The following PAG1 variants were observed in gnomAD, a reference collection of about 807,000 sequenced individuals.
PAG1 encodes phosphoprotein associated with glycosphingolipid-enriched microdomains 1.
Under a neutral mutation model 31.7 loss-of-function variants are expected in PAG1, and 23 were observed. The ratio of observed to expected loss-of-function variants is 0.73; its 90% CI spans 0.52 to 1.03. The LOEUF is 1.03. Among genes scored for constraint, PAG1 ranks in the 50% least tolerant of loss-of-function variants. The pLI is 0.00. For missense variants in PAG1, 473 were observed against 540.7 expected, an observed-to-expected ratio of 0.87 and a Z score of 1.24; for synonymous variants, 214 against 210.3, an observed-to-expected ratio of 1.02 and a Z score of -0.15.
rs1291203001 is a variant in PAG1, at chr8:80,968,076, C to A, written c.*8468G>T. 2.0e-5 allele frequency: 3 copies of A among 152,166 alleles called. No individual in the cohort carries two copies. Among genetic ancestry groups the A allele is most frequent in the African/African-American group, 4.8e-5 (2 of 41,426 alleles). The allele number at this position is 152,166 out of a possible 1,614,324, so 9.4% of individuals were successfully genotyped here. A position where few individuals can be genotyped will look rare whatever the true frequency, so the allele number is the denominator to read the frequency against. On this transcript the variant is annotated 3_prime_UTR_variant, in exon 9 of 9. Transcript: ENST00000220597. ...CCATTACTGGTTGAATGATCAAGAT[C>A]TGGCCACAGAAGAGAAGTGGAAATA...
intron 1 of PAG1, among the ~76,000 whole-genome samples, chr8:81,100,323 C>G (rs1237707858): frequency 1.1e-4 from 16 of 152,194 alleles, no homozygotes; most frequent in Non-Finnish European, 1.5e-5. Flanking sequence ...GATTTCTTCA[C>G]CAGAACTATC....
In PAG1 at chr8:80,981,862, C is replaced by CCTTTTTTTTT. The variant is rs1554598378; in HGVS notation, c.877-1369_877-1368insAAAAAAAAAG. ...TTCTACCTACTCATTATCTCACTTC[C>CCTTTTTTTTT]TTTTTTTTTTTTTTTTTTTTTTTGA... On this transcript the variant is annotated intron_variant, in intron 7 of 8. Coordinates refer to ENST00000220597, the MANE Select transcript of PAG1 (RefSeq NM_018440.4). Among the ~76,000 whole-genome samples, 7 of 103,426 alleles carry CCTTTTTTTTT rather than the reference C, an allele frequency of 6.8e-5. 1 individual carries two copies. The highest frequency in any genetic ancestry group is 5.2e-5 in the Non-Finnish European group (3 of 57,218). 67.9% of individuals were successfully genotyped at this position (103,426 alleles called of 152,430 possible).
At chr8:80,978,393 A>G (rs189019201) in intron 8 of PAG1, among the ~76,000 whole-genome samples, 1 of 152,358 alleles carries the variant, frequency 6.6e-6, no homozygotes, top group East Asian at 1.9e-4. Context: ...AGAATGTATT[A>G]TCTAAATGGT....
At chr8:81,041,253 A>T (rs1159037457) in intron 2 of PAG1, among the ~76,000 whole-genome samples, 2 of 152,176 alleles carry the variant, frequency 1.3e-5, no homozygotes, top group African/African-American at 4.8e-5. Context: ...TTTAGTTAAG[A>T]AGTAGTACAG....
rs2130509622 is a variant in PAG1 at position 80,993,135 on chromosome 8, G to A, written c.93C>T (p.Thr31=). The A allele has an allele frequency of 6.2e-7, 1 of 1,613,882 alleles. No individual in the cohort carries two copies. Among genetic ancestry groups the A allele is most frequent in the South Asian group, 1.1e-5 (1 of 90,980 alleles). Residue 31 remains threonine (T), a synonymous_variant, in exon 4 of 9, where the codon ACC becomes ACT. Transcript: ENST00000220597. ...AACTAGAGCACAGGAAGATGAGGAA[G>A]GTGATGACGAAGAAAATGGCGACAG... ...LAAVAIFFVI[T]FLIFLCSSCD... is the part of the protein sequence containing the mutation.
chr8:80,986,044 T>G (rs1258834496), intron 6 of PAG1, among the ~76,000 whole-genome samples: 2 of 152,192 alleles, frequency 1.3e-5, no homozygotes, highest in African/African-American at 4.8e-5. Flanking sequence ...AACCGTGTTG[T>G]GAGTGCCTGC....
intron 4 of PAG1, 52 bp downstream of exon 4, chr8:80,993,051 G>A: frequency 6.6e-7 from 1 of 1,521,262 alleles, no homozygotes; most frequent in South Asian, 1.3e-5. Flanking sequence ...ACTCTTCTGG[G>A]TACAGGGGAT....
At chr8:81,100,609 A>G (rs1258558851) in intron 1 of PAG1, among the ~76,000 whole-genome samples, 1 of 152,232 alleles carries the variant, frequency 6.6e-6, no homozygotes, top group Non-Finnish European at 1.5e-5. Context: ...CTAGACAGAA[A>G]AAGTTTAACA....
chr8:81,078,202 T>C (rs1475752766), intron 1 of PAG1, among the ~76,000 whole-genome samples: 1 of 152,216 alleles, frequency 6.6e-6, no homozygotes, highest in Non-Finnish European at 1.5e-5. Context: ...GCTTAAATTT[T>C]TAATCTGTTT....
chr8:80,989,319 A>G (rs1807489941), intron 5 of PAG1, among the ~76,000 whole-genome samples: 1 of 152,186 alleles, frequency 6.6e-6, no homozygotes. Flanking sequence ...GTGGGGAAGG[A>G]AGACTCCCAG....
chr8:81,102,744 C>T (rs1809629287), intron 1 of PAG1, among the ~76,000 whole-genome samples: 1 of 152,118 alleles, frequency 6.6e-6, no homozygotes, highest in African/African-American at 2.4e-5. Context: ...TAACATTAAA[C>T]TAAATCCCTT....
At chr8:81,035,116 G>A (rs188341473) in intron 2 of PAG1, among the ~76,000 whole-genome samples, 1 of 152,238 alleles carries the variant, frequency 6.6e-6, no homozygotes, top group East Asian at 1.9e-4. Context: ...GAGTAAATAG[G>A]TTGGTGAAGT....
At chr8:81,059,934 C>T (rs1808890873) in intron 2 of PAG1, among the ~76,000 whole-genome samples, 1 of 151,908 alleles carries the variant, frequency 6.6e-6, no homozygotes, top group African/African-American at 2.4e-5. Flanking sequence ...AGGAAGATTG[C>T]TTGAACCCAG....
Position 80,976,921 on chromosome 8 carries a change from G to C in PAG1, c.937-15C>G. On this transcript the variant is annotated splice_polypyrimidine_tract_variant and intron_variant, in intron 8 of 8. Coordinates refer to ENST00000220597, the MANE Select transcript of PAG1 (RefSeq NM_018440.4). ...ATAGCTGAGATCTAGGAGACAAAGG[G>C]AGAGTTGAATAAACTTCCAGCTGTG... 6.3e-7 allele frequency: 1 copy of C among 1,580,490 alleles called. No homozygotes were observed.
intron 1 of PAG1, among the ~76,000 whole-genome samples, chr8:81,098,801 AAAAG>A (rs1335856576): frequency 6.6e-6 from 1 of 152,222 alleles, no homozygotes; most frequent in Non-Finnish European, 1.5e-5. Flanking sequence ...GTTAACGTGA[AAAAG>A]AAAGACAAAT....
chr8:80,985,413 A>G, intron 6 of PAG1, 36 bp from the exon 7 acceptor site: 1 of 1,553,648 alleles, frequency 6.4e-7, no homozygotes, highest in East Asian at 2.3e-5. Flanking sequence ...GGAGAAAGGC[A>G]AGTCTTTCAA....
At chr8:81,054,740 G>C (rs1347873844) in intron 2 of PAG1, among the ~76,000 whole-genome samples, 1 of 152,114 alleles carries the variant, frequency 6.6e-6, no homozygotes, top group African/African-American at 2.4e-5. Flanking sequence ...ACTATTATCT[G>C]TTTTATAGAT....
intron 2 of PAG1, chr8:81,067,528 A>G (rs1323989916): frequency 6.6e-6 from 1 of 152,250 alleles, no homozygotes; most frequent in African/African-American, 2.4e-5. Context: ...GCAGGCTGCT[A>G]TTAAAATTGA....
At chr8:81,106,491 C>A (rs369916770) in intron 1 of PAG1, among the ~76,000 whole-genome samples, 5 of 152,054 alleles carry the variant, frequency 3.3e-5, no homozygotes, top group African/African-American at 1.2e-4. Flanking sequence ...AATAAACAGT[C>A]TACATTTAGG....
Sources: allele counts gnomAD v4.1 joint callset (sites outside exome capture counted in the v4.1 genomes callset), GRCh38; gene constraint gnomAD v4.1.1; transcripts MANE v1.5; gene names NCBI Gene and HGNC (gene_info 2026-07-23, HGNC 2026-07-21).